Variants in RBMS2 observed in about 807,000 individuals in gnomAD.
The protein encoded by RBMS2 is RNA-binding motif, single-stranded-interacting protein 2.
A neutral mutation model predicts 58.4 loss-of-function variants in RBMS2; 38 were observed. The ratio of observed to expected loss-of-function variants is 0.65; its 90% confidence interval spans 0.50 to 0.85. The LOEUF (loss-of-function observed/expected upper bound fraction) is 0.85, where lower values mean the gene tolerates loss of function less well. RBMS2 is among the 40% of genes least tolerant of loss of function. The pLI, the probability that RBMS2 is intolerant of heterozygous loss-of-function variation, is 0.00. For missense variants in RBMS2, 367 were observed against 503.7 expected, an observed-to-expected ratio of 0.73 and a Z score of 2.60; for synonymous variants, 151 against 180.7, an observed-to-expected ratio of 0.84 and a Z score of 1.32.
At chr12:56,565,751 C>G (rs1309628670) in intron 2 of RBMS2, among the ~76,000 whole-genome samples, 12 of 152,090 alleles carry the variant, frequency 7.9e-5, no homozygotes, top group Admixed American at 7.9e-4. Context: ...CTGCCTTTGT[C>G]CCAGTTGTCT....
intron 1 of RBMS2, among the ~76,000 whole-genome samples, chr12:56,552,043 G>T (rs1878365957): frequency 6.6e-6 from 1 of 152,232 alleles, no homozygotes; most frequent in South Asian, 2.1e-4. Context: ...AGCCGAGATC[G>T]TGCCACTGCA....
At chr12:56,522,129 T>C (rs1280682109) in intron 1 of RBMS2, 40 bp downstream of exon 1, 1 of 1,481,538 alleles carries the variant, frequency 6.7e-7, no homozygotes, top group Non-Finnish European at 9.4e-7. Context: ...CTACTTCTTT[T>C]TCTGGGGATC....
chr12:56,563,175 C>G (rs531416068), intron 2 of RBMS2, among the ~76,000 whole-genome samples: 2 of 152,146 alleles, frequency 1.3e-5, no homozygotes, highest in African/African-American at 2.4e-5. Context: ...TATTATAAAG[C>G]CTTTATGTGT....
intron 1 of RBMS2, among the ~76,000 whole-genome samples, chr12:56,537,945 C>T (rs1040781575): frequency 1.3e-5 from 2 of 151,178 alleles, no homozygotes; most frequent in African/African-American, 4.9e-5. Flanking sequence ...TGATGTTGAA[C>T]GTCTTTTCAC....
At chr12:56,546,372 C>T (rs1342894703) in intron 1 of RBMS2, among the ~76,000 whole-genome samples, 2 of 140,278 alleles carry the variant, frequency 1.4e-5, no homozygotes, top group Non-Finnish European at 3.1e-5. Flanking sequence ...ATATATTGTA[C>T]ATTATAATGT....
At chr12:56,549,759 G>T (rs1592382383) in intron 1 of RBMS2, among the ~76,000 whole-genome samples, 1 of 152,166 alleles carries the variant, frequency 6.6e-6, no homozygotes, top group East Asian at 1.9e-4. Flanking sequence ...AGGTGCGGGG[G>T]CTCATGCCTA....
At chr12:56,550,032 A>G (rs1331752409) in intron 1 of RBMS2, among the ~76,000 whole-genome samples, 1 of 152,084 alleles carries the variant, frequency 6.6e-6, no homozygotes, top group Non-Finnish European at 1.5e-5. Flanking sequence ...GTCTCGCAAA[A>G]AAAAGAAAAT....
chr12:56,559,635 A>C, intron 1 of RBMS2, among the ~76,000 whole-genome samples: 1 of 149,422 alleles, frequency 6.7e-6, no homozygotes, highest in South Asian at 2.2e-4. Flanking sequence ...GCGGATCACG[A>C]GGTCAGGAGA....
chr12:56,541,101 A>G (rs1311299422), intron 1 of RBMS2, among the ~76,000 whole-genome samples: 5 of 58,738 alleles, frequency 8.5e-5, no homozygotes, highest in African/African-American at 3.1e-4. Flanking sequence ...ACCTTGACTC[A>G]AAAAAAAAAA....
chr12:56,584,538 C>G (rs1884404248), intron 9 of RBMS2, among the ~76,000 whole-genome samples: 1 of 151,998 alleles, frequency 6.6e-6, no homozygotes, highest in South Asian at 2.1e-4. Context: ...ATAATCCCAG[C>G]ACTTTGGGAG....
chr12:56,533,777 C>T (rs1250491413), intron 1 of RBMS2, among the ~76,000 whole-genome samples: 2 of 152,064 alleles, frequency 1.3e-5, no homozygotes, highest in Non-Finnish European at 2.9e-5. Context: ...AGCCAGTTTA[C>T]TTCTATACTG....
At chr12:56,549,701 C>G (rs1592382258) in intron 1 of RBMS2, among the ~76,000 whole-genome samples, 6 of 152,066 alleles carry the variant, frequency 3.9e-5, no homozygotes, top group Non-Finnish European at 8.8e-5. Context: ...TTCTCAAGGG[C>G]CATCAGTCTT....
In RBMS2 at chr12:56,568,966, C is replaced by T; in HGVS notation, c.234-9C>T. ...CCAGATTATTACTTTGCATTTTCCT[C>T]TCCCTTAGATATGGCAAGATTGTTT... On this transcript the variant is annotated splice_polypyrimidine_tract_variant and intron_variant, in intron 2 of 13. Coordinates refer to ENST00000262031, the MANE Select transcript of RBMS2 (RefSeq NM_002898.4). 6.2e-7 allele frequency: 1 copy of T among 1,606,342 alleles called. No individual in the cohort carries two copies. The highest frequency in any genetic ancestry group is 8.5e-7 in the Non-Finnish European group (1 of 1,172,990).
upstream of RBMS2, among the ~76,000 whole-genome samples, chr12:56,521,506 T>TTTTTG (rs1871722439): frequency 7.0e-6 from 1 of 143,066 alleles, no homozygotes; most frequent in Admixed American, 6.9e-5. Flanking sequence ...AACTCTGTTT[T>TTTTTG]TTTTTTTTTT....
intron 1 of RBMS2, among the ~76,000 whole-genome samples, chr12:56,530,644 G>A (rs936434241): frequency 3.9e-5 from 6 of 152,152 alleles, no homozygotes; most frequent in Non-Finnish European, 5.9e-5. Flanking sequence ...TCAGGCATGA[G>A]ATACTGCACC....
intron 5 of RBMS2, among the ~76,000 whole-genome samples, chr12:56,576,938 G>T (rs1415855551): frequency 1.3e-5 from 2 of 151,416 alleles, no homozygotes; most frequent in African/African-American, 4.9e-5. Context: ...CTACTTAGGA[G>T]GCTGAGGTGA....
At chr12:56,548,408 C>T (rs1489605937) in intron 1 of RBMS2, among the ~76,000 whole-genome samples, 5 of 151,072 alleles carry the variant, frequency 3.3e-5, no homozygotes, top group Non-Finnish European at 7.4e-5. Flanking sequence ...GATTGTGCCA[C>T]TGCACTCCAG....
rs1885652729 is a variant in RBMS2, at chr12:56,595,303, AAT to A, written c.*6172_*6173del. The A allele has an allele frequency of 6.6e-6, 1 of 152,204 alleles. No homozygotes were observed. The highest frequency in any genetic ancestry group is 1.5e-5 in the Non-Finnish European group (1 of 68,044). 9.4% of individuals were successfully genotyped at this position (152,204 alleles called of 1,614,324 possible). On this transcript the variant is annotated 3_prime_UTR_variant, in exon 14 of 14. Transcript: ENST00000262031. Reference sequence around the variant, plus strand: ...AGACAAAGTTTCCAGGCTGGAGGGTAATACATATCCAGCGCGAGTGAAGTCCC... The same window carrying A: ...AGACAAAGTTTCCAGGCTGGAGGGTAACATATCCAGCGCGAGTGAAGTCCC...
At chr12:56,555,059 G>A (rs1592399200) in intron 1 of RBMS2, among the ~76,000 whole-genome samples, 1 of 116,554 alleles carries the variant, frequency 8.6e-6, no homozygotes, top group South Asian at 3.3e-4. Flanking sequence ...TGAATAAAAG[G>A]ATATATACAC....
Sources: gnomAD v4.1 joint callset for allele counts (sites outside exome capture counted in the v4.1 genomes callset) on GRCh38, gnomAD v4.1.1 for gene constraint, MANE v1.5 for transcripts, NCBI Gene and HGNC (gene_info 2026-07-23, HGNC 2026-07-21) for gene names.